The following RERE variants were observed in gnomAD, a reference collection of about 807,000 sequenced individuals.
RERE encodes the protein arginine-glutamic acid dipeptide repeats, also known as arginine-glutamic acid dipeptide repeats protein.
RERE carries 40 observed loss-of-function variants against 146.1 expected under a neutral mutation model. That is an observed-to-expected ratio of 0.27 (90% CI 0.21 to 0.36). RERE has a LOEUF of 0.36. RERE is among the 10% of genes least tolerant of loss of function. The probability of loss-of-function intolerance (pLI) is 1.00; values close to 1 mark genes in which losing one functional copy is unlikely to be tolerated. For missense variants in RERE, 1,933 were observed against 2,138.7 expected (o/e 0.90, Z 1.90); for synonymous variants, 1,003 against 866.0 (o/e 1.16, Z -2.78).
rs183123741 is a variant in RERE, at chr1:8,813,151, C to T, written c.-145+4009G>A. On this transcript the variant is annotated intron_variant, in intron 1 of 22. Coordinates refer to ENST00000400908, the MANE Select transcript of RERE (RefSeq NM_001042681.2). ...TTCCTGGTAGTAAAAAAAGAAATCC[C>T]GTAATTAACTAGAGCACAGCATTAT... Among the ~76,000 whole-genome samples the T allele has an allele frequency of 1.0e-3, 159 of 152,196 alleles. 1 individual carries two copies. The highest frequency in any genetic ancestry group is 1.7e-3 in the African/African-American group (71 of 41,532).
intron 1 of RERE, among the ~76,000 whole-genome samples, chr1:8,757,268 A>T (rs1190380803): frequency 1.3e-5 from 2 of 152,204 alleles, no homozygotes; most frequent in Admixed American, 1.3e-4. Flanking sequence ...CATTCCTAAT[A>T]ATCACTGTCC....
intron 4 of RERE, among the ~76,000 whole-genome samples, chr1:8,558,374 C>T (rs1646031764): frequency 6.6e-6 from 1 of 152,162 alleles, no homozygotes; most frequent in Non-Finnish European, 1.5e-5. Flanking sequence ...CAAGAAATAG[C>T]TCAACAGGGA....
At chr1:8,415,045 G>A (rs1215058552) in intron 12 of RERE, among the ~76,000 whole-genome samples, 1 of 152,102 alleles carries the variant, frequency 6.6e-6, no homozygotes, top group Non-Finnish European at 1.5e-5. Flanking sequence ...TATAATTTCA[G>A]ATACATTTTG....
chr1:8,689,331 A>C (rs1639157635), intron 1 of RERE, among the ~76,000 whole-genome samples: 1 of 152,152 alleles, frequency 6.6e-6, no homozygotes, highest in Non-Finnish European at 1.5e-5. Flanking sequence ...ATGAAGACAT[A>C]CTCAAATCAC....
At chr1:8,732,954 TG>T (rs1278925458) in intron 1 of RERE, among the ~76,000 whole-genome samples, 14 of 150,862 alleles carry the variant, frequency 9.3e-5, no homozygotes, top group African/African-American at 3.4e-4. Context: ...CCCGAGTAGC[TG>T]GGACTACAGG....
rs1337296121 is a variant in RERE, at chr1:8,716,312, A to ATT, written c.-144-59872_-144-59871insAA. On this transcript the variant is annotated intron_variant, in intron 1 of 22. Transcript: ENST00000400908. The stretch of plus-strand genomic sequence containing the variant: ...ATCTCATCTCTACAAAAAAAAAAAA[A>ATT]AAAAAATTAAAAAATTAGCCAAGTG... Among the ~76,000 whole-genome samples, 706 of 151,462 alleles carry ATT rather than the reference A, an allele frequency of 4.7e-3. 3 individuals carry two copies. The highest frequency in any genetic ancestry group is 8.3e-3 in the South Asian group (40 of 4,800).
At chr1:8,750,727 T>A (rs772501765) in intron 1 of RERE, 7 of 793,346 alleles carry the variant, frequency 8.8e-6, no homozygotes, top group Admixed American at 3.4e-5. Context: ...GTATCAATGG[T>A]GTGAGCCCAG....
At chr1:8,528,965 G>A (rs767201545) in intron 7 of RERE, among the ~76,000 whole-genome samples, 8 of 152,178 alleles carry the variant, frequency 5.3e-5, no homozygotes, top group Non-Finnish European at 1.0e-4. Context: ...TTTTCCACTT[G>A]TGGCATCACT....
At chr1:8,731,474 C>G (rs575406933) in intron 1 of RERE, among the ~76,000 whole-genome samples, 2 of 152,102 alleles carry the variant, frequency 1.3e-5, no homozygotes, top group Non-Finnish European at 2.9e-5. Context: ...AGCTAATAAA[C>G]TCTTCGGAAG....
chr1:8,525,105 T>C (rs1645554141), intron 7 of RERE, among the ~76,000 whole-genome samples: 1 of 152,208 alleles, frequency 6.6e-6, no homozygotes, highest in African/African-American at 2.4e-5. Flanking sequence ...TGAGTCTGCT[T>C]CCTTTTGAAG....
intron 1 of RERE, among the ~76,000 whole-genome samples, chr1:8,733,167 T>A (rs886724418): frequency 9.3e-5 from 14 of 151,162 alleles, no homozygotes; most frequent in Admixed American, 7.3e-4. Flanking sequence ...AAAGTTTATT[T>A]AAAAAAAAAG....
intron 7 of RERE, among the ~76,000 whole-genome samples, chr1:8,523,853 G>A (rs1405082801): frequency 6.6e-6 from 1 of 152,196 alleles, no homozygotes; most frequent in African/African-American, 2.4e-5. Flanking sequence ...CTGATCCAGA[G>A]CTGATTCGGC....
rs1160573688 is a variant in RERE at position 8,476,814 on chromosome 1, T to TGA, written c.1105-10793_1105-10792dup. On this transcript the variant is annotated intron_variant, in intron 10 of 22. Coordinates refer to ENST00000400908, the MANE Select transcript of RERE (RefSeq NM_001042681.2). ...CTTCTTTCGCTGTCACAGAAGAGGC[T>TGA]GAGGTAGGTCATTTTTGGAACTTTC... Among the ~76,000 whole-genome samples, 13 of 152,348 alleles carry TGA rather than the reference T, an allele frequency of 8.5e-5. No individual in the cohort carries two copies. The East Asian group carries it at 1.9e-3, about 23-fold the overall frequency.
At chr1:8,546,200 C>CA (rs1264677227) in intron 6 of RERE, among the ~76,000 whole-genome samples, 1 of 151,312 alleles carries the variant, frequency 6.6e-6, no homozygotes, top group Non-Finnish European at 1.5e-5. Context: ...AGGCTGGTCT[C>CA]AGACTCCTGG....
intron 2 of RERE, among the ~76,000 whole-genome samples, chr1:8,646,065 GAAACACCT>G (rs1647292553): frequency 1.9e-4 from 1 of 5,356 alleles, no homozygotes; most frequent in Non-Finnish European, 3.7e-4. Flanking sequence ...ACTCAAATGT[GAAACACCT>G]GAACCTGAGT....
intron 10 of RERE, among the ~76,000 whole-genome samples, chr1:8,467,098 T>A (rs1211160414): frequency 1.3e-5 from 2 of 152,218 alleles, no homozygotes; most frequent in African/African-American, 2.4e-5. Context: ...AAAAACTTGC[T>A]AACTTCCTAA....
At chr1:8,606,518 T>G (rs951742073) in intron 4 of RERE, among the ~76,000 whole-genome samples, 1 of 152,206 alleles carries the variant, frequency 6.6e-6, no homozygotes, top group African/African-American at 2.4e-5. Context: ...CCTCATTTTA[T>G]GAATGTTTTG....
chr1:8,709,044 C>G (rs1351790697), intron 1 of RERE, among the ~76,000 whole-genome samples: 1 of 150,158 alleles, frequency 6.7e-6, no homozygotes, highest in African/African-American at 2.5e-5. Flanking sequence ...TCCCGAGTAG[C>G]TGGAACTACA....
At position 8,577,592 on chromosome 1, in the gene RERE, G is replaced by A. The variant is rs147458050; in HGVS notation, c.523-20069C>T. Among the ~76,000 whole-genome samples, 1,189 of 152,296 alleles carry A rather than the reference G, an allele frequency of 7.8e-3. 11 individuals carry two copies. The highest frequency in any genetic ancestry group is 0.027 in the Middle Eastern group (8 of 294). ...CTTGGCCCCCCATACTCATCATGCT[G>A]ACACAGATCACTTGAGCTTAAAAAT... On this transcript the variant is annotated intron_variant, in intron 4 of 22. Transcript: ENST00000400908.
Sources: allele counts gnomAD v4.1 joint callset (sites outside exome capture counted in the v4.1 genomes callset), GRCh38; gene constraint gnomAD v4.1.1; transcripts MANE v1.5; gene names NCBI Gene and HGNC (gene_info 2026-07-23, HGNC 2026-07-21).